Variants in ZFHX3 observed in about 807,000 individuals in gnomAD.
The protein encoded by ZFHX3 is zinc finger homeobox protein 3.
ZFHX3 carries 42 observed loss-of-function variants against 279.1 expected under a neutral mutation model. That is an observed-to-expected ratio of 0.15 (90% confidence interval 0.12 to 0.19). ZFHX3 has a LOEUF of 0.19. Ranked by LOEUF, ZFHX3 falls within the 10% of genes least tolerant of loss-of-function variation. The pLI is 1.00. For synonymous variants in ZFHX3, 2,293 were observed against 1,957.8 expected (o/e 1.17, Z -4.52); for missense variants, 4,981 against 4,754.0 (o/e 1.05, Z -1.40).
chr16:72,799,376 A>T (rs2036022433), intron 8 of ZFHX3, among the ~76,000 whole-genome samples: 1 of 152,190 alleles, frequency 6.6e-6, no homozygotes, highest in African/African-American at 2.4e-5. Context: ...AGACCCTTTA[A>T]CAGGTCATTT....
At chr16:72,897,659 T>C (rs962713144) in intron 3 of ZFHX3, among the ~76,000 whole-genome samples, 9 of 152,242 alleles carry the variant, frequency 5.9e-5, no homozygotes, top group African/African-American at 2.2e-4. Flanking sequence ...CAGGCTGGTC[T>C]CAAACTCCTG....
At position 73,760,319 on chromosome 16, in the gene ZFHX3, C is replaced by T. The variant is rs143070722; in HGVS notation, c.-1607-80079G>A. Among the ~76,000 whole-genome samples the T allele has an allele frequency of 7.1e-3, 1,081 of 152,094 alleles. 14 individuals carry two copies. Among genetic ancestry groups the T allele is most frequent in the African/African-American group, 0.022 (918 of 41,508 alleles). On this transcript the variant is annotated intron_variant, in intron 1 of 17. Coordinates refer to the ZFHX3 transcript ENST00000641206. ...AAATCGCCTACCAATCAAAAAATGC[C>T]GAGGACCAGACGGATTTACAGCTGA...
At chr16:73,188,641 A>G (rs1346998400) in intron 5 of ZFHX3, among the ~76,000 whole-genome samples, 1 of 152,218 alleles carries the variant, frequency 6.6e-6, no homozygotes, top group Non-Finnish European at 1.5e-5. Flanking sequence ...TGCATGTTGT[A>G]GAATAAAGCC....
chr16:73,100,794 A>G (rs1451765534), intron 7 of ZFHX3, among the ~76,000 whole-genome samples: 1 of 152,088 alleles, frequency 6.6e-6, no homozygotes, highest in Non-Finnish European at 1.5e-5. Context: ...ATGGGGTTTC[A>G]CTATGTTGGC....
intron 4 of ZFHX3, chr16:73,257,148 C>A (rs907169852): frequency 5.9e-5 from 9 of 152,072 alleles, no homozygotes; most frequent in Non-Finnish European, 1.0e-4. Context: ...TATAACAAAG[C>A]AAAAAGTAAA....
At chr16:73,664,798 G>C (rs944392406) in intron 2 of ZFHX3, among the ~76,000 whole-genome samples, 3 of 152,184 alleles carry the variant, frequency 2.0e-5, no homozygotes, top group Non-Finnish European at 4.4e-5. Flanking sequence ...TTTTAACAGA[G>C]CATTCAGATA....
At chr16:73,111,229 C>G (rs887409418) in intron 7 of ZFHX3, among the ~76,000 whole-genome samples, 2 of 152,352 alleles carry the variant, frequency 1.3e-5, no homozygotes, top group Admixed American at 6.5e-5. Context: ...GCGTGAGCCA[C>G]TGCACCCGGC....
At position 72,800,138 on chromosome 16, in the gene ZFHX3, C is replaced by G; in HGVS notation, c.3865-9G>C. 1.2e-6 allele frequency: 2 copies of G among 1,609,580 alleles called. No homozygotes were observed. The highest frequency in any genetic ancestry group is 1.7e-6 in the Non-Finnish European group (2 of 1,175,986). On this transcript the variant is annotated splice_polypyrimidine_tract_variant and intron_variant, in intron 7 of 9. Coordinates refer to ENST00000268489, the MANE Select transcript of ZFHX3 (RefSeq NM_006885.4). ...ATCTCAGGGGTGGTCACCTGAGGAG[C>G]AAGAGCAAGGAGAGTCAAATGGAGA...
intron 2 of ZFHX3, among the ~76,000 whole-genome samples, chr16:73,480,124 C>G (rs965626439): frequency 4.6e-5 from 7 of 152,056 alleles, no homozygotes; most frequent in Admixed American, 2.6e-4. Flanking sequence ...AGTCCCTTCT[C>G]CAGATTAAAT....
intron 2 of ZFHX3, among the ~76,000 whole-genome samples, chr16:73,619,820 G>T (rs2052340962): frequency 6.6e-6 from 1 of 152,036 alleles, no homozygotes; most frequent in South Asian, 2.1e-4. Context: ...TCCTGAATAT[G>T]CACAACAGTC....
chr16:73,726,598 G>C (rs2053520849), intron 1 of ZFHX3, among the ~76,000 whole-genome samples: 1 of 152,190 alleles, frequency 6.6e-6, no homozygotes, highest in Admixed American at 6.5e-5. Flanking sequence ...GGCTATATAA[G>C]CACGGCACTG....
intron 2 of ZFHX3, among the ~76,000 whole-genome samples, chr16:73,502,381 C>T (rs2019254579): frequency 6.6e-6 from 1 of 152,216 alleles, no homozygotes; most frequent in South Asian, 2.1e-4. Flanking sequence ...GGTCGTCATG[C>T]TGTCCTTGTA....
chr16:73,276,972 C>A (rs1188567575), intron 4 of ZFHX3, among the ~76,000 whole-genome samples: 2 of 152,178 alleles, frequency 1.3e-5, no homozygotes, highest in African/African-American at 4.8e-5. Flanking sequence ...CAGACATGGA[C>A]AAAATGCCAT....
At chr16:73,431,703 T>C (rs1222207990) in intron 3 of ZFHX3, among the ~76,000 whole-genome samples, 1 of 152,226 alleles carries the variant, frequency 6.6e-6, no homozygotes, top group Non-Finnish European at 1.5e-5. Context: ...CCATGATTTA[T>C]TTCCTTGGGA....
chr16:73,854,066 C>T (rs978210502), intron 1 of ZFHX3, among the ~76,000 whole-genome samples: 1 of 152,216 alleles, frequency 6.6e-6, no homozygotes, highest in South Asian at 2.1e-4. Flanking sequence ...ATTTTGCTTG[C>T]GAGTAGAGTC....
intron 1 of ZFHX3, among the ~76,000 whole-genome samples, chr16:73,042,270 C>T (rs1328837007): frequency 6.6e-6 from 1 of 152,158 alleles, no homozygotes; most frequent in Non-Finnish European, 1.5e-5. Context: ...TGCCTCCTGC[C>T]TCTCCACTAA....
chr16:72,900,708 G>T (rs956483052), intron 3 of ZFHX3, among the ~76,000 whole-genome samples: 1 of 152,178 alleles, frequency 6.6e-6, no homozygotes, highest in African/African-American at 2.4e-5. Flanking sequence ...GCCCTAGATC[G>T]CTGGGGCCAT....
At chr16:73,000,343 G>C (rs149875784) in intron 1 of ZFHX3, among the ~76,000 whole-genome samples, 13 of 152,186 alleles carry the variant, frequency 8.5e-5, no homozygotes, top group African/African-American at 3.1e-4. Context: ...AAAGCCATCC[G>C]GGAACAATGG....
At chr16:72,874,505 A>C (rs1016319520) in intron 4 of ZFHX3, among the ~76,000 whole-genome samples, 18 of 151,034 alleles carry the variant, frequency 1.2e-4, no homozygotes, top group Non-Finnish European at 2.1e-4. Flanking sequence ...CCTGGCCTGG[A>C]GGAGCCATCT....
Sources: allele counts gnomAD v4.1 joint callset (sites outside exome capture counted in the v4.1 genomes callset), GRCh38; gene constraint gnomAD v4.1.1; transcripts MANE v1.5; gene names NCBI Gene and HGNC (gene_info 2026-07-23, HGNC 2026-07-21).